GRM5: variants seen among roughly 807,000 people sequenced by gnomAD.
GRM5 encodes metabotropic glutamate receptor 5.
A neutral mutation model predicts 83.1 loss-of-function variants in GRM5; 19 were observed. That is an observed-to-expected ratio of 0.23 (90% CI 0.16 to 0.34). The LOEUF (loss-of-function observed/expected upper bound fraction) is 0.34. GRM5 is among the 10% of genes least tolerant of loss of function. GRM5 has a pLI of 1.00. For missense variants in GRM5, 1,160 were observed against 1,588.3 expected, an observed-to-expected ratio of 0.73 and a Z score of 4.58; for synonymous variants, 675 against 633.6, an observed-to-expected ratio of 1.07 and a Z score of -0.98.
At chr11:88,761,017 A>C in intron 3 of GRM5, among the ~76,000 whole-genome samples, 1 of 152,136 alleles carries the variant, frequency 6.6e-6, no homozygotes. Flanking sequence ...CTTCATGTTA[A>C]AAAACCCTTA....
intron 8 of GRM5, among the ~76,000 whole-genome samples, chr11:88,565,788 C>T (rs569013275): frequency 1.2e-4 from 18 of 152,052 alleles, no homozygotes; most frequent in African/African-American, 3.4e-4. Flanking sequence ...GTACAATGTA[C>T]GTAGAAAGAG....
intron 7 of GRM5, among the ~76,000 whole-genome samples, chr11:88,577,636 G>T (rs1256920076): frequency 6.6e-6 from 1 of 152,092 alleles, no homozygotes; most frequent in Admixed American, 6.6e-5. Context: ...TCATGCGATA[G>T]GGACCATTAT....
chr11:88,922,052 T>G (rs1945702892), intron 2 of GRM5, among the ~76,000 whole-genome samples: 1 of 151,846 alleles, frequency 6.6e-6, no homozygotes. Context: ...ATCTCTACAA[T>G]GAAAACTAAA....
chr11:88,767,028 T>C (rs1335424065), intron 3 of GRM5, among the ~76,000 whole-genome samples: 1 of 151,970 alleles, frequency 6.6e-6, no homozygotes, highest in East Asian at 1.9e-4. Context: ...AGAATGGCTA[T>C]TTAATTTTTT....
In GRM5 at chr11:88,630,392, T is replaced by A. The variant is rs531174657; in HGVS notation, c.1147+22776A>T. Among the ~76,000 whole-genome samples the A allele has an allele frequency of 8.5e-5, 13 of 152,264 alleles. No individual in the cohort carries two copies. In the South Asian group the frequency reaches 1.9e-3, roughly 22 times the overall value. The stretch of plus-strand genomic sequence containing the variant: ...ATTTGCTGAAGGGATAAATGACTCT[T>A]CTAGTTTTAATCTTTTAGTATATCT... On this transcript the variant is annotated intron_variant, in intron 4 of 9. Coordinates refer to ENST00000305447, the MANE Select transcript of GRM5 (RefSeq NM_001143831.3).
intron 3 of GRM5, among the ~76,000 whole-genome samples, chr11:88,745,814 C>T (rs921968286): frequency 6.6e-6 from 1 of 152,166 alleles, no homozygotes; most frequent in Non-Finnish European, 1.5e-5. Flanking sequence ...CAATCCACCT[C>T]AGCGTTTTTA....
At chr11:88,931,932 C>T (rs2135648648) in intron 2 of GRM5, among the ~76,000 whole-genome samples, 1 of 151,942 alleles carries the variant, frequency 6.6e-6, no homozygotes, top group East Asian at 1.9e-4. Flanking sequence ...TTAAGATATC[C>T]TAATATTTGA....
At chr11:88,613,845 CT>C (rs1337463126) in intron 4 of GRM5, among the ~76,000 whole-genome samples, 9 of 152,270 alleles carry the variant, frequency 5.9e-5, no homozygotes, top group African/African-American at 1.7e-4. Context: ...CTCTAGACCT[CT>C]CTCTGACACT....
chr11:89,044,370 A>G (rs1418990163), intron 2 of GRM5, among the ~76,000 whole-genome samples: 1 of 152,128 alleles, frequency 6.6e-6, no homozygotes, highest in Non-Finnish European at 1.5e-5. Context: ...CACAGTAAAT[A>G]CCCAGTCACA....
intron 3 of GRM5, among the ~76,000 whole-genome samples, chr11:88,800,851 G>A (rs113770980): frequency 2.6e-5 from 4 of 152,228 alleles, no homozygotes; most frequent in East Asian, 3.9e-4. Flanking sequence ...TGTGATAAAT[G>A]TGAAAATAAC....
At chr11:88,898,048 T>C (rs962847297) in intron 2 of GRM5, among the ~76,000 whole-genome samples, 4 of 151,924 alleles carry the variant, frequency 2.6e-5, no homozygotes, top group Non-Finnish European at 5.9e-5. Flanking sequence ...TGCAGGACCA[T>C]GCTCCCTCTA....
intron 9 of GRM5, among the ~76,000 whole-genome samples, chr11:88,513,911 T>G: frequency 7.4e-6 from 1 of 134,908 alleles, no homozygotes; most frequent in Middle Eastern, 3.4e-3. Flanking sequence ...GCTAAGATGT[T>G]GTATTTATTA....
At chr11:88,950,744 T>C (rs568873332) in intron 2 of GRM5, among the ~76,000 whole-genome samples, 67 of 152,348 alleles carry the variant, frequency 4.4e-4, no homozygotes, top group Non-Finnish European at 7.3e-4. Flanking sequence ...CTGTCATTAT[T>C]TGCTGTGAGA....
intron 2 of GRM5, chr11:88,985,009 C>G (rs1460824418): frequency 4.0e-6 from 2 of 498,588 alleles, no homozygotes; most frequent in Non-Finnish European, 7.3e-6. Context: ...TTACTCCATT[C>G]CACTTAATCA....
chr11:88,988,231 G>C (rs181113524), intron 2 of GRM5, among the ~76,000 whole-genome samples: 6 of 152,112 alleles, frequency 3.9e-5, no homozygotes, highest in African/African-American at 1.4e-4. Context: ...CTCAGTAGCC[G>C]ATGCAATCAA....
chr11:88,550,036 G>A (rs887329411), intron 8 of GRM5, among the ~76,000 whole-genome samples: 5 of 152,026 alleles, frequency 3.3e-5, no homozygotes, highest in African/African-American at 1.2e-4. Context: ...TGGATGTGAA[G>A]GGTCAGAGCA....
intron 3 of GRM5, among the ~76,000 whole-genome samples, chr11:88,732,868 C>CT (rs965111953): frequency 8.6e-5 from 13 of 151,972 alleles, no homozygotes; most frequent in Admixed American, 2.0e-4. Flanking sequence ...CCTGTCTTGG[C>CT]TATAGTTTTC....
intron 4 of GRM5, among the ~76,000 whole-genome samples, chr11:88,613,980 C>G (rs1296353703): frequency 6.6e-6 from 1 of 152,170 alleles, no homozygotes; most frequent in Non-Finnish European, 1.5e-5. Context: ...GAAGAGGTTA[C>G]TCACACGATC....
intron 2 of GRM5, among the ~76,000 whole-genome samples, chr11:88,913,639 T>A (rs1299669586): frequency 6.9e-6 from 1 of 144,818 alleles, no homozygotes; most frequent in Non-Finnish European, 1.5e-5. Flanking sequence ...CAGGCTGGAG[T>A]GCAGTGGCAC....
Sources: allele counts gnomAD v4.1 joint callset (sites outside exome capture counted in the v4.1 genomes callset), GRCh38; gene constraint gnomAD v4.1.1; transcripts MANE v1.5; gene names NCBI Gene and HGNC (gene_info 2026-07-23, HGNC 2026-07-21).